Variants in PCTP observed in about 807,000 individuals in gnomAD.
PCTP encodes the protein phosphatidylcholine transfer protein, also known as START domain-containing protein 2.
A neutral mutation model predicts 31.0 loss-of-function variants in PCTP; 27 were observed. That is an observed-to-expected ratio of 0.87 (90% confidence interval 0.64 to 1.20). PCTP has a LOEUF of 1.20. PCTP is among the 50% of genes most tolerant of loss of function. PCTP has a pLI of 0.00. For missense variants in PCTP, 287 were observed against 268.2 expected, an observed-to-expected ratio of 1.07 and a Z score of -0.49; for synonymous variants, 108 against 101.2, an observed-to-expected ratio of 1.07 and a Z score of -0.40.
chr17:55,756,468 G>T (rs2912559), intron 1 of PCTP, among the ~76,000 whole-genome samples: 97,469 of 151,926 alleles, frequency 0.64, 36,294 homozygotes, highest in East Asian at 0.87. Context: ...ATCTGGAGGA[G>T]AAATGAATCT....
chr17:55,815,242 A>T (rs950304262), intron 3 of PCTP, among the ~76,000 whole-genome samples: 1 of 152,250 alleles, frequency 6.6e-6, no homozygotes. Flanking sequence ...AATACACTTG[A>T]TAATTTTGCT....
At chr17:55,833,883 T>C (rs1394564013) in intron 5 of PCTP, among the ~76,000 whole-genome samples, 6 of 152,242 alleles carry the variant, frequency 3.9e-5, no homozygotes, top group Admixed American at 2.0e-4. Context: ...CTATAAAACA[T>C]GTTGAGCCTT....
At chr17:55,849,184 G>A in the PCTP span, among the ~76,000 whole-genome samples, 79 of 145,834 alleles carry the variant, frequency 5.4e-4, 1 homozygote, top group East Asian at 0.017. Context: ...CTCAAGAGAG[G>A]TTTGGAAAGT....
At chr17:55,774,881 C>T (rs745853199) in intron 5 of PCTP, 22 bp downstream of exon 5, 105 of 1,237,506 alleles carry the variant, frequency 8.5e-5, no homozygotes, top group Non-Finnish European at 9.6e-5. Flanking sequence ...GGAGGTGGGG[C>T]GGGGGGAGGG....
intron 5 of PCTP, among the ~76,000 whole-genome samples, chr17:55,828,672 A>G (rs76461315): frequency 0.079 from 11,949 of 152,142 alleles, 726 homozygotes; most frequent in East Asian, 0.28. Context: ...GAGGGTGGGA[A>G]GCAATTTAAC....
At chr17:55,820,535 G>C (rs1407392065) in intron 3 of PCTP, among the ~76,000 whole-genome samples, 1 of 152,014 alleles carries the variant, frequency 6.6e-6, no homozygotes, top group Non-Finnish European at 1.5e-5. Context: ...TCATTCACGA[G>C]GATTCTACTC....
At chr17:55,791,295 A>G (rs1911964647) in intron 3 of PCTP, among the ~76,000 whole-genome samples, 1 of 151,334 alleles carries the variant, frequency 6.6e-6, no homozygotes, top group Non-Finnish European at 1.5e-5. Flanking sequence ...AAAAGCCAAA[A>G]TTGACAAATG....
chr17:55,839,945 A>AAAAAAC, intron 5 of PCTP, among the ~76,000 whole-genome samples: 1 of 144,000 alleles, frequency 6.9e-6, no homozygotes, highest in African/African-American at 2.5e-5. Context: ...AAAAAAAAAA[A>AAAAAAC]AACAACTGAA....
intron 3 of PCTP, among the ~76,000 whole-genome samples, chr17:55,821,023 C>G (rs1388644365): frequency 6.6e-6 from 1 of 152,178 alleles, no homozygotes; most frequent in Non-Finnish European, 1.5e-5. Flanking sequence ...TAACATTTGA[C>G]TTTGAAATTC....
intron 3 of PCTP, among the ~76,000 whole-genome samples, chr17:55,791,239 G>A (rs1251019265): frequency 6.6e-6 from 1 of 152,026 alleles, no homozygotes; most frequent in Non-Finnish European, 1.5e-5. Flanking sequence ...CAGGACACAG[G>A]CATGGGCAAG....
intron 2 of PCTP, chr17:55,770,896 T>TA: frequency 9.0e-6 from 1 of 110,594 alleles, no homozygotes; most frequent in Non-Finnish European, 1.8e-5. Flanking sequence ...ATTTTTTTGC[T>TA]TTTTTTTTTT....
rs1009512284 is a variant in PCTP, at chr17:55,772,480, C to T, written c.340-1244C>T. 3.3e-5 allele frequency among the ~76,000 whole-genome samples: 5 copies of T among 150,854 alleles called. 1 individual carries two copies. In the South Asian group the frequency reaches 6.4e-4, roughly 19 times the overall value. On this transcript the variant is annotated intron_variant, in intron 3 of 5. Transcript: ENST00000268896. ...TGGGCGCCTGCAATCCCAGCTACTC[C>T]GGAGGCTGAGGTGGGAGGATCACTT...
downstream of PCTP, among the ~76,000 whole-genome samples, chr17:55,779,389 G>A (rs140299634): frequency 1.1e-3 from 167 of 152,334 alleles, no homozygotes; most frequent in African/African-American, 3.7e-3. Flanking sequence ...CTGGATGAAG[G>A]TTGCAGAAGA....
chr17:55,784,109 C>T (rs1345184653), intron 2 of PCTP, among the ~76,000 whole-genome samples: 2 of 152,188 alleles, frequency 1.3e-5, no homozygotes, highest in East Asian at 3.9e-4. Context: ...GCGGGCCACT[C>T]ACCCCGTCTG....
chr17:55,813,085 G>A (rs1180638605), intron 3 of PCTP, among the ~76,000 whole-genome samples: 1 of 152,126 alleles, frequency 6.6e-6, no homozygotes, highest in Admixed American at 6.5e-5. Context: ...CTTGCAAAGG[G>A]AGAGCAAGAA....
downstream of PCTP, among the ~76,000 whole-genome samples, chr17:55,847,417 C>T (rs1454809479): frequency 1.3e-5 from 2 of 152,168 alleles, no homozygotes; most frequent in African/African-American, 4.8e-5. Flanking sequence ...GGCGTTTCCC[C>T]TATATGTTGT....
At chr17:55,775,566 G>T (rs1400943987) in intron 5 of PCTP, 2 of 1,155,054 alleles carry the variant, frequency 1.7e-6, no homozygotes, top group East Asian at 3.3e-5. Context: ...GTCTTCTACT[G>T]CATAGAGGGG....
At chr17:55,814,683 A>G (rs934218315) in intron 3 of PCTP, among the ~76,000 whole-genome samples, 23 of 152,206 alleles carry the variant, frequency 1.5e-4, no homozygotes, top group Non-Finnish European at 2.8e-4. Flanking sequence ...ACTGTCATGG[A>G]AGGCAGGTGG....
intron 3 of PCTP, among the ~76,000 whole-genome samples, chr17:55,796,125 A>G (rs1912179937): frequency 6.6e-6 from 1 of 152,036 alleles, no homozygotes; most frequent in South Asian, 2.1e-4. Flanking sequence ...TTTGGATTGC[A>G]GGAATGAGAT....
Sources: gnomAD v4.1 joint callset for allele counts (sites outside exome capture counted in the v4.1 genomes callset) on GRCh38, gnomAD v4.1.1 for gene constraint, MANE v1.5 for transcripts, NCBI Gene and HGNC (gene_info 2026-07-23, HGNC 2026-07-21) for gene names.